The following ARHGEF6 variants were observed in gnomAD, a reference collection of about 807,000 sequenced individuals.
The protein encoded by ARHGEF6 is rho guanine nucleotide exchange factor 6.
ARHGEF6 carries 9 observed loss-of-function variants against 70.3 expected under a neutral mutation model. The ratio of observed to expected loss-of-function variants is 0.13; its 90% CI spans 0.08 to 0.22. ARHGEF6 has a LOEUF of 0.22. Ranked by LOEUF, ARHGEF6 falls within the 10% of genes least tolerant of loss-of-function variation. The probability of loss-of-function intolerance (pLI) is 1.00; values close to 1 mark genes in which losing one functional copy is unlikely to be tolerated. For missense variants in ARHGEF6, 470 were observed against 563.0 expected (o/e 0.83, Z 1.67); for synonymous variants, 201 against 207.8 (o/e 0.97, Z 0.28).
At chrX:136,777,852 G>A (rs1196266117) in intron 2 of ARHGEF6, among the ~76,000 whole-genome samples, 2 of 110,394 alleles carry the variant, frequency 1.8e-5, no homozygotes, top group African/African-American at 6.6e-5. Context: ...CTGGGTGGAG[G>A]TGGAGACCAT....
chrX:136,684,876 C>T (rs944701526), intron 12 of ARHGEF6, among the ~76,000 whole-genome samples: 1 of 111,934 alleles, frequency 8.9e-6, no homozygotes, highest in African/African-American at 3.3e-5. Flanking sequence ...TTCTGCTTCT[C>T]GTCCATTCCC....
At chrX:136,727,490 C>T in intron 6 of ARHGEF6, among the ~76,000 whole-genome samples, 1 of 93,124 alleles carries the variant, frequency 1.1e-5, no homozygotes, top group African/African-American at 4.0e-5. Flanking sequence ...TCCTTCTCTC[C>T]TTCTCTCTCT....
intron 3 of ARHGEF6, among the ~76,000 whole-genome samples, chrX:136,746,494 A>G (rs1485603609): frequency 8.9e-6 from 1 of 111,954 alleles, no homozygotes; most frequent in African/African-American, 3.2e-5. Context: ...CCTATTTGGC[A>G]CTTGATTATA....
At chrX:136,780,580 A>T in intron 1 of ARHGEF6, 138 bp downstream of exon 1, 1 of 632,764 alleles carries the variant, frequency 1.6e-6, no homozygotes, top group Middle Eastern at 4.1e-4. Context: ...CAAAAACAGT[A>T]AGAAAGAATG....
intron 9 of ARHGEF6, among the ~76,000 whole-genome samples, chrX:136,705,174 G>A (rs1352005128): frequency 9.1e-6 from 1 of 110,077 alleles, no homozygotes; most frequent in Non-Finnish European, 1.9e-5. Context: ...AGCTGGTCGT[G>A]GTGGTGCGTG....
intron 17 of ARHGEF6, among the ~76,000 whole-genome samples, chrX:136,677,690 GA>G (rs1946756884): frequency 1.8e-5 from 2 of 110,546 alleles, no homozygotes; most frequent in Non-Finnish European, 3.8e-5. Context: ...AAAATAACAG[GA>G]AAAAACAGAA....
intron 19 of ARHGEF6, among the ~76,000 whole-genome samples, chrX:136,673,932 T>C (rs769139855): frequency 1.2e-4 from 13 of 111,139 alleles, no homozygotes; most frequent in African/African-American, 1.6e-4. Flanking sequence ...AGTGGTGCAA[T>C]CTTGGCTCAC....
chrX:136,745,167 T>C (rs373673081), intron 4 of ARHGEF6, 56 bp downstream of exon 4: 13 of 1,193,226 alleles, frequency 1.1e-5, no homozygotes, highest in East Asian at 8.9e-5. Flanking sequence ...GCAACTAGGA[T>C]ATCAATCTAA....
chrX:136,774,394 T>C (rs2077386192), intron 2 of ARHGEF6, among the ~76,000 whole-genome samples: 1 of 110,592 alleles, frequency 9.0e-6, no homozygotes, highest in African/African-American at 3.3e-5. Flanking sequence ...CTCATGCCTG[T>C]AATCCCAGCA....
intron 2 of ARHGEF6, among the ~76,000 whole-genome samples, chrX:136,762,018 G>A (rs986490445): frequency 7.2e-5 from 8 of 111,084 alleles, no homozygotes; most frequent in African/African-American, 2.0e-4. Context: ...GGGTTCAAGC[G>A]ATTCTCCCAC....
intron 2 of ARHGEF6, among the ~76,000 whole-genome samples, chrX:136,759,054 T>A (rs1208968448): frequency 8.9e-6 from 1 of 111,983 alleles, no homozygotes; most frequent in African/African-American, 3.2e-5. Context: ...TTTGCCCCAA[T>A]ACACAACACA....
chrX:136,709,689 G>A (rs2076663262), intron 7 of ARHGEF6, among the ~76,000 whole-genome samples: 1 of 113,058 alleles, frequency 8.8e-6, no homozygotes, highest in African/African-American at 3.2e-5. Context: ...GTTGGGCTGG[G>A]CGTGGTGGTT....
At chrX:136,779,551 A>C in intron 1 of ARHGEF6, 54 bp from the exon 2 acceptor site, 1 of 1,054,010 alleles carries the variant, frequency 9.5e-7, no homozygotes, top group Non-Finnish European at 1.3e-6. Context: ...TGCCAAGCAA[A>C]GTATACTCAT....
At chrX:136,691,842 A>G (rs1211418244) in intron 9 of ARHGEF6, among the ~76,000 whole-genome samples, 2 of 111,426 alleles carry the variant, frequency 1.8e-5, no homozygotes, top group African/African-American at 6.5e-5. Context: ...TACAAGATCA[A>G]GTCTTAACTT....
intron 7 of ARHGEF6, among the ~76,000 whole-genome samples, chrX:136,712,851 A>G (rs1215812270): frequency 8.9e-6 from 1 of 112,287 alleles, no homozygotes; most frequent in Non-Finnish European, 1.9e-5. Flanking sequence ...CATTCACAAA[A>G]TGCCATACTC....
chrX:136,668,533 C>CTTCTTCTTCTTCTTATTATTATTA (rs61661248), intron 21 of ARHGEF6, among the ~76,000 whole-genome samples: 9 of 98,462 alleles, frequency 9.1e-5, no homozygotes, highest in African/African-American at 3.4e-4. Context: ...TCTTCTTCTT[C>CTTCTTCTTCTTCTTATTATTATTA]TTATTATTAT....
intron 5 of ARHGEF6, among the ~76,000 whole-genome samples, chrX:136,737,180 G>T (rs1009951157): frequency 1.8e-5 from 2 of 111,992 alleles, no homozygotes; most frequent in African/African-American, 6.5e-5. Context: ...ATGGCAATGG[G>T]GTTTAAAACT....
chrX:136,760,864 T>C (rs111860139), intron 2 of ARHGEF6, among the ~76,000 whole-genome samples: 2 of 112,071 alleles, frequency 1.8e-5, no homozygotes, highest in Non-Finnish European at 3.8e-5. Context: ...ATTTTAATTT[T>C]AAAATAAATA....
chrX:136,687,232 G>A (rs755007181), intron 11 of ARHGEF6, among the ~76,000 whole-genome samples: 5 of 111,719 alleles, frequency 4.5e-5, no homozygotes, highest in Non-Finnish European at 7.5e-5. Flanking sequence ...CTACAGACAC[G>A]TCAATTACTG....
Sources: gnomAD v4.1 joint callset for allele counts (sites outside exome capture counted in the v4.1 genomes callset) on GRCh38, gnomAD v4.1.1 for gene constraint, MANE v1.5 for transcripts, NCBI Gene and HGNC (gene_info 2026-07-23, HGNC 2026-07-21) for gene names.